HEPHL1: variants seen among roughly 807,000 people sequenced by gnomAD.
HEPHL1 encodes ferroxidase HEPHL1.
HEPHL1 carries 123 observed loss-of-function variants against 122.0 expected under a neutral mutation model. That is an observed-to-expected ratio of 1.01 (90% CI 0.87 to 1.17). The LOEUF (loss-of-function observed/expected upper bound fraction) is 1.17. Among genes scored for constraint, HEPHL1 ranks in the 50% most tolerant of loss-of-function variants. HEPHL1 has a pLI of 0.00. For synonymous variants in HEPHL1, 527 were observed against 508.9 expected, an observed-to-expected ratio of 1.04 and a Z score of -0.48; for missense variants, 1,452 against 1,430.5, an observed-to-expected ratio of 1.01 and a Z score of -0.24.
chr11:94,082,159 C>G (rs1178356062), intron 9 of HEPHL1, among the ~76,000 whole-genome samples: 2 of 152,078 alleles, frequency 1.3e-5, no homozygotes, highest in African/African-American at 2.4e-5. Flanking sequence ...GCAACAGAGG[C>G]CAAAAGAGTA....
Position 94,083,119 on chromosome 11 carries a change from A to G in HEPHL1, c.1867+551A>G, listed in dbSNP as rs191157781. Among the ~76,000 whole-genome samples the G allele has an allele frequency of 3.4e-4, 52 of 152,162 alleles. 1 individual carries two copies. In the East Asian group the frequency reaches 9.8e-3, roughly 29 times the overall value. ...AAAAAAATTTAAACTAGCCAAGTTC[A>G]CAGTATATCATAAATGTAGAAAATT... On this transcript the variant is annotated intron_variant, in intron 10 of 19. Coordinates refer to ENST00000315765, the MANE Select transcript of HEPHL1 (RefSeq NM_001098672.2).
intron 11 of HEPHL1, among the ~76,000 whole-genome samples, chr11:94,087,457 C>G (rs1253376083): frequency 6.6e-6 from 1 of 152,082 alleles, no homozygotes; most frequent in East Asian, 1.9e-4. Flanking sequence ...GTCATTTCAC[C>G]AATTCCTGTC....
chr11:94,072,519 C>T (rs900540609), intron 6 of HEPHL1, among the ~76,000 whole-genome samples: 9 of 152,022 alleles, frequency 5.9e-5, no homozygotes, highest in Admixed American at 1.3e-4. Context: ...ATCATATTCA[C>T]GACTTGGAAA....
chr11:94,031,301 A>C (rs2134404831), intron 1 of HEPHL1, among the ~76,000 whole-genome samples: 1 of 149,776 alleles, frequency 6.7e-6, no homozygotes, highest in South Asian at 2.2e-4. Context: ...TTCCAGATGT[A>C]TTCTTTGCAT....
At chr11:94,108,771 T>G (rs1946427151) in intron 17 of HEPHL1, among the ~76,000 whole-genome samples, 1 of 152,114 alleles carries the variant, frequency 6.6e-6, no homozygotes, top group South Asian at 2.1e-4. Context: ...TGCCCTTTCT[T>G]GAATGCCACA....
chr11:94,027,779 A>G (rs779759883), intron 1 of HEPHL1, among the ~76,000 whole-genome samples: 40 of 152,232 alleles, frequency 2.6e-4, no homozygotes, highest in Non-Finnish European at 5.7e-4. Context: ...TTCTGTGGAA[A>G]TGAAGAGTGA....
At chr11:94,063,164 C>T (rs1946000273) in intron 2 of HEPHL1, among the ~76,000 whole-genome samples, 2 of 152,150 alleles carry the variant, frequency 1.3e-5, no homozygotes, top group Admixed American at 6.5e-5. Flanking sequence ...CTTCTTGAGT[C>T]GATGTCAACT....
At position 94,023,327 on chromosome 11, in the gene HEPHL1, T is replaced by A. The variant is rs180889231; in HGVS notation, c.170+1789T>A. On this transcript the variant is annotated intron_variant, in intron 1 of 19. Transcript: ENST00000315765. ...AGTCCTAATTTTTGCCAAAGGCATG[T>A]TTAGTCTCTTTTGTCACTCTTCCTA... is the stretch of plus-strand genomic sequence containing the variant. Among the ~76,000 whole-genome samples, 8 of 152,302 alleles carry A rather than the reference T, an allele frequency of 5.3e-5. No homozygotes were observed. In the East Asian group the frequency reaches 1.5e-3, roughly 29 times the overall value.
intron 2 of HEPHL1, chr11:94,056,065 G>T: frequency 2.4e-6 from 1 of 418,406 alleles, no homozygotes; most frequent in Non-Finnish European, 4.3e-6. Context: ...ATGCATTTTT[G>T]TTAGATATGA....
At position 94,103,011 on chromosome 11, in the gene HEPHL1, C is replaced by T. The variant is rs770313946; in HGVS notation, c.2673C>T (p.Asn891=). ...CIPWVYYSTV[N]FVKDTYSGLM... ...CATGGGTTTACTATTCAACAGTAAA[C>T]TTTGTGAAGGTAAGGTGGAGAAAGC... The change falls in exon 15 of 20, where the codon AAC becomes AAT. Residue 891 remains asparagine (N), a synonymous_variant. Coordinates refer to ENST00000315765, the MANE Select transcript of HEPHL1 (RefSeq NM_001098672.2). The T allele has an allele frequency of 8.2e-6, 13 of 1,586,530 alleles. No individual in the cohort carries two copies. The highest frequency in any genetic ancestry group is 1.7e-5 in the Admixed American group (1 of 59,916).
At chr11:94,035,491 T>A (rs1456373577) in intron 1 of HEPHL1, among the ~76,000 whole-genome samples, 1 of 152,200 alleles carries the variant, frequency 6.6e-6, no homozygotes, top group Non-Finnish European at 1.5e-5. Flanking sequence ...GAGTTCCTTT[T>A]TTTAAAAAAT....
At position 94,088,754 on chromosome 11, in the gene HEPHL1, G is replaced by A; in HGVS notation, c.2081-1G>A. The A allele has an allele frequency of 6.2e-7, 1 of 1,611,678 alleles. No individual in the cohort carries two copies. The highest frequency in any genetic ancestry group is 8.5e-7 in the Non-Finnish European group (1 of 1,178,496). ...TCAATGCCGAGCCATTTCTCTTGCA[G>A]GTATTTTTAGGGTGTTTTGTGCCAC... On this transcript the variant is annotated splice_acceptor_variant, in intron 11 of 19. Transcript: ENST00000315765. LOFTEE classifies it high-confidence loss of function.
intron 10 of HEPHL1, among the ~76,000 whole-genome samples, chr11:94,082,933 A>G (rs752196584): frequency 1.6e-4 from 25 of 152,168 alleles, no homozygotes; most frequent in Non-Finnish European, 2.9e-4. Context: ...TACTAAAAAT[A>G]CAAAACTTAG....
chr11:94,048,239 A>T (rs1945858044), intron 2 of HEPHL1, among the ~76,000 whole-genome samples: 1 of 152,148 alleles, frequency 6.6e-6, no homozygotes, highest in African/African-American at 2.4e-5. Context: ...TCTGTTGATG[A>T]ATGCTTTGGT....
At chr11:94,089,890 TG>T (rs1253962989) in intron 12 of HEPHL1, among the ~76,000 whole-genome samples, 3 of 152,096 alleles carry the variant, frequency 2.0e-5, no homozygotes, top group African/African-American at 7.2e-5. Context: ...TTGTCCCTCC[TG>T]GCCCAGTTCC....
chr11:94,101,445 C>A, intron 14 of HEPHL1, 110 bp downstream of exon 14: 1 of 1,070,152 alleles, frequency 9.3e-7, no homozygotes, highest in Non-Finnish European at 1.3e-6. Flanking sequence ...TGTGTTTCAG[C>A]CATCATCTAG....
chr11:94,023,032 C>A (rs1331445696), intron 1 of HEPHL1, among the ~76,000 whole-genome samples: 1 of 152,218 alleles, frequency 6.6e-6, no homozygotes, highest in Non-Finnish European at 1.5e-5. Context: ...GGCATTTATT[C>A]TGACCCAAAA....
At position 94,082,472 on chromosome 11, in the gene HEPHL1, A is replaced by C; in HGVS notation, c.1771A>C (p.Ser591Arg). ...LLFTVFDENL[S>R]RYFDENIQKF... ...GTTCACAGTCTTTGATGAGAATCTG[A>C]GCAGATATTTTGATGAAAACATTCA... is the stretch of plus-strand genomic sequence containing the variant. The change falls in exon 10 of 20, where the codon AGC becomes CGC. Residue 591 changes from serine (S) to arginine (R), a missense_variant. Physicochemically the swap from Ser to Arg is moderately radical, Grantham distance 110. Coordinates refer to ENST00000315765, the MANE Select transcript of HEPHL1 (RefSeq NM_001098672.2). 1.2e-6 allele frequency: 2 copies of C among 1,612,594 alleles called. No homozygotes were observed. The highest frequency in any genetic ancestry group is 1.7e-6 in the Non-Finnish European group (2 of 1,178,672).
At chr11:94,055,220 T>A in intron 2 of HEPHL1, 1 of 268,194 alleles carries the variant, frequency 3.7e-6, no homozygotes, top group Non-Finnish European at 7.5e-6. Context: ...ATGGCCACCT[T>A]TTTCTGCTGC....
Sources: gnomAD v4.1 joint callset for allele counts (sites outside exome capture counted in the v4.1 genomes callset) on GRCh38, gnomAD v4.1.1 for gene constraint, MANE v1.5 for transcripts, NCBI Gene and HGNC (gene_info 2026-07-23, HGNC 2026-07-21) for gene names.